BRIP1: variants seen among roughly 807,000 people sequenced by gnomAD.
BRIP1 encodes BRCA1 interacting DNA helicase 1, also known as Fanconi anemia group J protein.
Under a neutral mutation model 119.7 loss-of-function variants are expected in BRIP1, and 88 were observed. That is an observed-to-expected ratio of 0.74 (90% CI 0.62 to 0.88). The LOEUF (loss-of-function observed/expected upper bound fraction) is 0.88, where lower values mean the gene tolerates loss of function less well. Among genes scored for constraint, BRIP1 ranks in the 40% least tolerant of loss-of-function variants. The pLI is 0.00. For synonymous variants in BRIP1, 443 were observed against 496.5 expected (o/e 0.89, Z 1.43); for missense variants, 1,259 against 1,455.4 (o/e 0.87, Z 2.20).
At chr17:61,707,974 G>A (rs1453528256) in intron 17 of BRIP1, among the ~76,000 whole-genome samples, 1 of 152,008 alleles carries the variant, frequency 6.6e-6, no homozygotes, top group Non-Finnish European at 1.5e-5. Flanking sequence ...AGCCTCCTGA[G>A]TAGCTGGGAT....
At chr17:61,733,486 T>TTCTGTGGTTTA (rs1371105388) in intron 16 of BRIP1, among the ~76,000 whole-genome samples, 2 of 152,218 alleles carry the variant, frequency 1.3e-5, no homozygotes, top group Non-Finnish European at 2.9e-5. Context: ...AGCACCCTTT[T>TTCTGTGGTTTA]TCTGTGGTTT....
At position 61,776,372 on chromosome 17, in the gene BRIP1, G is replaced by A. The variant is rs2145024052; in HGVS notation, c.2097+29C>T. 1 of 1,612,584 alleles carries A rather than the reference G, an allele frequency of 6.2e-7. No individual in the cohort carries two copies. ...TTTAAAATGTAAATGATTATTTAAA[G>A]GCAAAAGAAACAATAAATATTCCCT... is the stretch of plus-strand genomic sequence containing the variant. On this transcript the variant is annotated intron_variant, in intron 14 of 19. Coordinates refer to ENST00000259008, the MANE Select transcript of BRIP1 (RefSeq NM_032043.3). The surrounding 1 kb of genome is among the most constrained non-coding windows in gnomAD (Gnocchi z 5.0).
chr17:61,685,629 T>C (rs2061348843), intron 19 of BRIP1: 3 of 570,432 alleles, frequency 5.3e-6, no homozygotes, highest in Admixed American at 3.3e-5. Context: ...CAAAGCCAGT[T>C]AGTGGAAAAC....
At chr17:61,791,667 A>G (rs1256253456) in intron 10 of BRIP1, among the ~76,000 whole-genome samples, 1 of 152,014 alleles carries the variant, frequency 6.6e-6, no homozygotes, top group African/African-American at 2.4e-5. Context: ...TGAAGAGGGC[A>G]AAAAGTATAG....
rs1242836395 is a variant in BRIP1 at position 61,852,414 on chromosome 17, A to C, written c.380-3158T>G. Among the ~76,000 whole-genome samples, 1 of 152,136 alleles carries C rather than the reference A, an allele frequency of 6.6e-6. No individual in the cohort carries two copies. Among genetic ancestry groups the C allele is most frequent in the Non-Finnish European group, 1.5e-5 (1 of 68,020 alleles). ...CTGGGCACGGTGGCTCACACTTGTA[A>C]TTCAAGCACTTTGGGAGGCTGAGGC... On this transcript the variant is annotated intron_variant, in intron 4 of 19. Transcript: ENST00000259008. The surrounding 1 kb of genome is among the most constrained non-coding windows in gnomAD (Gnocchi z 4.9).
chr17:61,721,490 C>T lies in BRIP1; in HGVS notation c.2380-5427G>A, dbSNP rs1050951961. Among the ~76,000 whole-genome samples the T allele has an allele frequency of 2.0e-5, 3 of 149,540 alleles. No homozygotes were observed. The East Asian group carries it at 6.1e-4, about 31-fold the overall frequency. On this transcript the variant is annotated intron_variant, in intron 16 of 19. Transcript: ENST00000259008. The stretch of plus-strand genomic sequence containing the variant: ...TTCACCATGTTGACCAGGATGGTCT[C>T]GATCTCTTGACCTCGTGATCCACCC...
chr17:61,730,616 A>G lies in BRIP1; in HGVS notation c.2379+12397T>C, dbSNP rs138715969. ...AAGATGAACACAAGAAAATAACTTC[A>G]GAATTGTTCAAAAATCAAAACCAAA... is the stretch of plus-strand genomic sequence containing the variant. On this transcript the variant is annotated intron_variant, in intron 16 of 19. Transcript: ENST00000259008. This position sits in a 1 kb window ranked among gnomAD's most constrained non-coding sequence, Gnocchi z 4.3. 0.01 allele frequency among the ~76,000 whole-genome samples: 1,570 copies of G among 152,310 alleles called. 19 individuals carry two copies. The highest frequency in any genetic ancestry group is 0.035 in the African/African-American group (1,440 of 41,574).
intron 10 of BRIP1, among the ~76,000 whole-genome samples, chr17:61,787,067 A>T (rs1237421276): frequency 6.9e-5 from 8 of 115,284 alleles, no homozygotes; most frequent in Non-Finnish European, 1.3e-4. Flanking sequence ...TATAAATATA[A>T]TTATATATAA....
In BRIP1 at chr17:61,856,961, G is replaced by A. The variant is rs538127861; in HGVS notation, c.379+97C>T. On this transcript the variant is annotated intron_variant, in intron 4 of 19. Coordinates refer to ENST00000259008, the MANE Select transcript of BRIP1 (RefSeq NM_032043.3). This position sits in a 1 kb window ranked among gnomAD's most constrained non-coding sequence, Gnocchi z 5.1. ...GAAACTAGATAGAGATATATAATCA[G>A]TTATGCTAACCAAACTTATATAAAT... The A allele has an allele frequency of 1.4e-4, 172 of 1,224,192 alleles. 1 individual carries two copies. In the Admixed American group the frequency reaches 1.9e-3, roughly 14 times the overall value. The allele number at this position is 1,224,192 out of a possible 1,614,324, so 75.8% of individuals were successfully genotyped here.
chr17:61,835,831 T>C (rs1158182622), intron 6 of BRIP1, among the ~76,000 whole-genome samples: 1 of 152,162 alleles, frequency 6.6e-6, no homozygotes, highest in Non-Finnish European at 1.5e-5. Context: ...ATCAACTATT[T>C]GGGAAAATAT....
chr17:61,698,424 T>C (rs1352688658), intron 17 of BRIP1, among the ~76,000 whole-genome samples: 1 of 152,190 alleles, frequency 6.6e-6, no homozygotes, highest in Non-Finnish European at 1.5e-5. Flanking sequence ...CTGAAGAACA[T>C]GCCATGTTCA....
At chr17:61,838,590 T>TAAAG (rs2078611041) in intron 6 of BRIP1, among the ~76,000 whole-genome samples, 1 of 135,610 alleles carries the variant, frequency 7.4e-6, no homozygotes, top group African/African-American at 2.8e-5. Flanking sequence ...AATAAATAAA[T>TAAAG]AAAGCATCAT....
intron 17 of BRIP1, among the ~76,000 whole-genome samples, chr17:61,694,730 A>T (rs1045188554): frequency 1.3e-5 from 2 of 151,932 alleles, no homozygotes; most frequent in African/African-American, 4.8e-5. Flanking sequence ...GAAAGTGTGA[A>T]ATAATATTTC....
In BRIP1 at chr17:61,860,828, C is replaced by A. The variant is rs543338515; in HGVS notation, c.93+619G>T. 6.6e-6 allele frequency among the ~76,000 whole-genome samples: 1 copy of A among 152,204 alleles called. No individual in the cohort carries two copies. The highest frequency in any genetic ancestry group is 2.4e-5 in the African/African-American group (1 of 41,538). ...TGGATTAAGAATCAACAGGGCTATA[C>A]ATTAAAAATAATGCTAAGTTAAAAA... is the stretch of plus-strand genomic sequence containing the variant. On this transcript the variant is annotated intron_variant, in intron 2 of 19. Coordinates refer to ENST00000259008, the MANE Select transcript of BRIP1 (RefSeq NM_032043.3). The surrounding 1 kb of genome is among the most constrained non-coding windows in gnomAD (Gnocchi z 4.1).
In BRIP1 at chr17:61,808,660, T is replaced by G; in HGVS notation, c.725A>C (p.Lys242Thr). The G allele has an allele frequency of 6.2e-7, 1 of 1,614,048 alleles. No homozygotes were observed. The highest frequency in any genetic ancestry group is 8.5e-7 in the Non-Finnish European group (1 of 1,179,914). Residue 242 changes from lysine (K) to threonine (T), a missense_variant, in exon 7 of 20, where the codon AAG becomes ACG. Lys to Thr is a moderately conservative substitution (Grantham distance 78). Coordinates refer to ENST00000259008, the MANE Select transcript of BRIP1 (RefSeq NM_032043.3). This position sits in a 1 kb window ranked among gnomAD's most constrained non-coding sequence, Gnocchi z 4.1. ...TIKKDHTGKS[K>T]IPKIYFGTRT... Reference sequence around the variant, plus strand: ...TGTCCCAAAATATATTTTGGGTATCTTGGATTTCCCTGTATGATCCTTCTT... The same window carrying G: ...TGTCCCAAAATATATTTTGGGTATCGTGGATTTCCCTGTATGATCCTTCTT...
In BRIP1 at chr17:61,852,137, C is replaced by T. The variant is rs1006309207; in HGVS notation, c.380-2881G>A. Among the ~76,000 whole-genome samples, 4 of 152,106 alleles carry T rather than the reference C, an allele frequency of 2.6e-5. No homozygotes were observed. The highest frequency in any genetic ancestry group is 4.4e-5 in the Non-Finnish European group (3 of 68,016). On this transcript the variant is annotated intron_variant, in intron 4 of 19. Transcript: ENST00000259008. This position sits in a 1 kb window ranked among gnomAD's most constrained non-coding sequence, Gnocchi z 4.9. ...GTAGGGAATGTCCACCCAAAATGATCATTTAGTTTTAGAAAACTGAACTGC... is the reference window on the plus strand; with the variant it reads ...GTAGGGAATGTCCACCCAAAATGATTATTTAGTTTTAGAAAACTGAACTGC...
rs2145824525 is a variant in BRIP1, at chr17:61,857,002, T to C, written c.379+56A>G. 1.3e-6 allele frequency: 2 copies of C among 1,515,110 alleles called. No homozygotes were observed. Among genetic ancestry groups the C allele is most frequent in the Non-Finnish European group, 1.8e-6 (2 of 1,090,264 alleles). The allele number at this position is 1,515,110 out of a possible 1,614,324, so 93.9% of individuals were successfully genotyped here. On this transcript the variant is annotated intron_variant, in intron 4 of 19. Coordinates refer to ENST00000259008, the MANE Select transcript of BRIP1 (RefSeq NM_032043.3). The surrounding 1 kb of genome is among the most constrained non-coding windows in gnomAD (Gnocchi z 5.1). Reference sequence around the variant, plus strand: ...TTATATAAATTAGGGCTTATAACAGTAATAATTAAGACTCTTATTACAGAT... The same window carrying C: ...TTATATAAATTAGGGCTTATAACAGCAATAATTAAGACTCTTATTACAGAT...
In BRIP1 at chr17:61,794,667, G is replaced by A. The variant is rs1191877067; in HGVS notation, c.1341-938C>T. On this transcript the variant is annotated intron_variant, in intron 9 of 19. Coordinates refer to ENST00000259008, the MANE Select transcript of BRIP1 (RefSeq NM_032043.3). This position sits in a 1 kb window ranked among gnomAD's most constrained non-coding sequence, Gnocchi z 4.3. Reference sequence around the variant, plus strand: ...TTACCTGTATAACAAACCTGCACATGTACCCCTGAACTTAAAAGTTAAAAA... The same window carrying A: ...TTACCTGTATAACAAACCTGCACATATACCCCTGAACTTAAAAGTTAAAAA... Among the ~76,000 whole-genome samples, 1 of 150,062 alleles carries A rather than the reference G, an allele frequency of 6.7e-6. No individual in the cohort carries two copies. Among genetic ancestry groups the A allele is most frequent in the Non-Finnish European group, 1.5e-5 (1 of 67,698 alleles).
intron 14 of BRIP1, among the ~76,000 whole-genome samples, chr17:61,771,391 C>A (rs527903239): frequency 6.6e-6 from 1 of 152,018 alleles, no homozygotes; most frequent in Non-Finnish European, 1.5e-5. Context: ...TGCAAAAATG[C>A]GCAAAGAATT....
Sources: allele counts gnomAD v4.1 joint callset (sites outside exome capture counted in the v4.1 genomes callset), GRCh38; gene constraint gnomAD v4.1.1; non-coding constraint Gnocchi (gnomAD v3.1); transcripts MANE v1.5; gene names NCBI Gene and HGNC (gene_info 2026-07-23, HGNC 2026-07-21).